The following BCL2 variants were observed in gnomAD, a reference collection of about 807,000 sequenced individuals.
BCL2 encodes the protein apoptosis regulator Bcl-2.
Under a neutral mutation model 14.2 loss-of-function variants are expected in BCL2, and 1 was observed. The ratio of observed to expected loss-of-function variants is 0.07; its 90% CI spans 0.02 to 0.33. BCL2 has a LOEUF of 0.33. Among genes scored for constraint, BCL2 ranks in the 10% least tolerant of loss-of-function variants. The probability of loss-of-function intolerance (pLI) is 0.99; values close to 1 mark genes in which losing one functional copy is unlikely to be tolerated. For missense variants in BCL2, 247 were observed against 305.9 expected (o/e 0.81, Z 1.44); for synonymous variants, 151 against 137.2 (o/e 1.10, Z -0.70).
intron 2 of BCL2, among the ~76,000 whole-genome samples, chr18:63,162,273 T>A (rs1914939052): frequency 6.6e-6 from 1 of 152,144 alleles, no homozygotes. Flanking sequence ...AACAAAAAAC[T>A]GCTCAAAGTT....
intron 2 of BCL2, among the ~76,000 whole-genome samples, chr18:63,142,873 A>C (rs1287873346): frequency 6.6e-6 from 1 of 152,246 alleles, no homozygotes; most frequent in Non-Finnish European, 1.5e-5. Context: ...ATGCATTTCA[A>C]GGAACACTGC....
intron 2 of BCL2, among the ~76,000 whole-genome samples, chr18:63,200,238 G>C (rs2144663278): frequency 6.6e-6 from 1 of 152,292 alleles, no homozygotes; most frequent in African/African-American, 2.4e-5. Flanking sequence ...ACCAAACAGA[G>C]TGAAGCAGAA....
At chr18:63,132,372 T>G (rs902276638) in intron 2 of BCL2, among the ~76,000 whole-genome samples, 1 of 152,218 alleles carries the variant, frequency 6.6e-6, no homozygotes, top group African/African-American at 2.4e-5. Context: ...CCGCACCTAC[T>G]CAACCTGCCC....
intron 2 of BCL2, among the ~76,000 whole-genome samples, chr18:63,159,308 A>C (rs929438268): frequency 6.6e-6 from 1 of 152,336 alleles, no homozygotes. Flanking sequence ...GAGAGAAAGG[A>C]AGCGTACCTT....
chr18:63,318,789 T>C lies in BCL2; in HGVS notation c.-123A>G. On this transcript the variant is annotated 5_prime_UTR_variant, in exon 2 of 3. Transcript: ENST00000333681. This position sits in a 1 kb window ranked among gnomAD's most constrained non-coding sequence, Gnocchi z 7.4. ...TTTTATTGGATGTGCTTTGCATTCTTGGACGAGGGGGTGTCTTCAATCACG... is the reference window on the plus strand; with the variant it reads ...TTTTATTGGATGTGCTTTGCATTCTCGGACGAGGGGGTGTCTTCAATCACG... 6.7e-7 allele frequency: 1 copy of C among 1,491,750 alleles called. No individual in the cohort carries two copies. The highest frequency in any genetic ancestry group is 8.9e-7 in the Non-Finnish European group (1 of 1,121,606). 92.4% of individuals were successfully genotyped at this position (1,491,750 alleles called of 1,614,324 possible).
intron 2 of BCL2, among the ~76,000 whole-genome samples, chr18:63,155,361 A>T (rs1189972651): frequency 6.6e-6 from 1 of 152,210 alleles, no homozygotes; most frequent in Non-Finnish European, 1.5e-5. Flanking sequence ...ACTGTACAGC[A>T]AGTCAACAGT....
At chr18:63,181,116 T>TA (rs1454735201) in intron 2 of BCL2, among the ~76,000 whole-genome samples, 1 of 152,230 alleles carries the variant, frequency 6.6e-6, no homozygotes, top group African/African-American at 2.4e-5. Context: ...ACCAGTCATT[T>TA]TTACCTCTGC....
In BCL2 at chr18:63,277,574, C is replaced by CTT. The variant is rs11384331; in HGVS notation, c.585+40506_585+40507dup. On this transcript the variant is annotated intron_variant, in intron 2 of 2. Coordinates refer to ENST00000333681, the MANE Select transcript of BCL2 (RefSeq NM_000633.3). Reference sequence around the variant, plus strand: ...CTGGGTGACAGAGGGAGATCATGTCCTTTTTTTTTTTTTTTTTTAAGGTAT... The same window carrying CTT: ...CTGGGTGACAGAGGGAGATCATGTCCTTTTTTTTTTTTTTTTTTTTAAGGTAT... Among the ~76,000 whole-genome samples the CTT allele has an allele frequency of 3.4e-3, 454 of 135,028 alleles. 4 individuals carry two copies. Among genetic ancestry groups the CTT allele is most frequent in the African/African-American group, 5.9e-3 (215 of 36,512 alleles). 88.6% of individuals were successfully genotyped at this position (135,028 alleles called of 152,430 possible). A position where few individuals can be genotyped will look rare whatever the true frequency, so the allele number is the denominator to read the frequency against.
intron 2 of BCL2, among the ~76,000 whole-genome samples, chr18:63,172,597 C>T (rs938146613): frequency 5.3e-5 from 8 of 151,990 alleles, no homozygotes; most frequent in African/African-American, 1.2e-4. Flanking sequence ...CTAGCTAACA[C>T]GGTGAAACCC....
rs916063139 is a variant in BCL2, at chr18:63,128,211, T to A, written c.*414A>T. ...CCCCAATGATCAGGTCCTTTTTCCA[T>A]CCGTCTGCTCTTCAGATGGTGATCC... On this transcript the variant is annotated 3_prime_UTR_variant, in exon 3 of 3. Transcript: ENST00000333681. 1.7e-5 allele frequency: 4 copies of A among 233,844 alleles called. No homozygotes were observed. The highest frequency in any genetic ancestry group is 2.5e-5 in the Non-Finnish European group (3 of 118,316). 14.5% of individuals were successfully genotyped at this position (233,844 alleles called of 1,614,324 possible).
intron 2 of BCL2, chr18:63,315,088 T>C (rs1240928995): frequency 6.6e-6 from 1 of 152,228 alleles, no homozygotes; most frequent in African/African-American, 2.4e-5. Context: ...GAACCAAGGA[T>C]GGTAGCCAGC....
At chr18:63,150,174 C>T (rs749847622) in intron 2 of BCL2, among the ~76,000 whole-genome samples, 7 of 152,170 alleles carry the variant, frequency 4.6e-5, no homozygotes, top group Non-Finnish European at 1.0e-4. Context: ...TGAGCCACCG[C>T]GCCCAGCCTG....
rs565211823 is a variant in BCL2 at position 63,213,617 on chromosome 18, TGTGA to T, written c.586-84862_586-84859del. On this transcript the variant is annotated intron_variant, in intron 2 of 2. Transcript: ENST00000333681. ...GTTGAGGCATTGTCTAATCCACAAA[TGTGA>T]GTAAGTTCATAATTTAGGAGTTAAA... Among the ~76,000 whole-genome samples, 84 of 151,372 alleles carry T rather than the reference TGTGA, an allele frequency of 5.5e-4. 1 individual carries two copies. The highest frequency in any genetic ancestry group is 1.5e-3 in the African/African-American group (61 of 41,252).
At chr18:63,269,400 G>A (rs1458947864) in intron 2 of BCL2, among the ~76,000 whole-genome samples, 1 of 152,032 alleles carries the variant, frequency 6.6e-6, no homozygotes, top group Non-Finnish European at 1.5e-5. Flanking sequence ...ATATGGACAA[G>A]GAAACCTAAC....
chr18:63,137,005 G>C (rs1914225016), intron 2 of BCL2, among the ~76,000 whole-genome samples: 1 of 152,216 alleles, frequency 6.6e-6, no homozygotes, highest in South Asian at 2.1e-4. Flanking sequence ...TCACTGCTGT[G>C]ATTTCCAGTC....
At chr18:63,287,704 T>C (rs1912515339) in intron 2 of BCL2, among the ~76,000 whole-genome samples, 1 of 152,056 alleles carries the variant, frequency 6.6e-6, no homozygotes, top group African/African-American at 2.4e-5. Flanking sequence ...TTACAGCATA[T>C]GCAAGAAGGA....
intron 2 of BCL2, among the ~76,000 whole-genome samples, chr18:63,309,651 G>C (rs1407718625): frequency 6.6e-6 from 1 of 151,958 alleles, no homozygotes; most frequent in African/African-American, 2.4e-5. Context: ...TTCCTCCCAC[G>C]CACACATCCT....
At chr18:63,203,426 AT>A (rs1909755401) in intron 2 of BCL2, among the ~76,000 whole-genome samples, 1 of 152,190 alleles carries the variant, frequency 6.6e-6, no homozygotes, top group South Asian at 2.1e-4. Context: ...CTACTTATAT[AT>A]TTTTAAAAAG....
chr18:63,173,856 A>G (rs1339411438), intron 2 of BCL2, among the ~76,000 whole-genome samples: 1 of 152,206 alleles, frequency 6.6e-6, no homozygotes, highest in African/African-American at 2.4e-5. Context: ...ACAAAGAAAT[A>G]TTTATTGTAG....
Sources: allele counts gnomAD v4.1 joint callset (sites outside exome capture counted in the v4.1 genomes callset), GRCh38; gene constraint gnomAD v4.1.1; non-coding constraint Gnocchi (gnomAD v3.1); transcripts MANE v1.5; gene names NCBI Gene and HGNC (gene_info 2026-07-23, HGNC 2026-07-21).